The following ADAM32 variants were observed in gnomAD, a reference collection of about 807,000 sequenced individuals.
ADAM32 encodes the protein ADAM metallopeptidase domain 32, also known as disintegrin and metalloproteinase domain-containing protein 32.
In ADAM32, 89 loss-of-function variants were observed where a neutral mutation model predicts 114.9. That is an observed-to-expected ratio of 0.77 (90% CI 0.65 to 0.92). The LOEUF (loss-of-function observed/expected upper bound fraction) is 0.92. Among genes scored for constraint, ADAM32 ranks in the 40% least tolerant of loss-of-function variants. The pLI, the probability that ADAM32 is intolerant of heterozygous loss-of-function variation, is 0.00. For missense variants in ADAM32, 870 were observed against 932.8 expected, an observed-to-expected ratio of 0.93 and a Z score of 0.88; for synonymous variants, 285 against 307.5, an observed-to-expected ratio of 0.93 and a Z score of 0.77.
intron 13 of ADAM32, among the ~76,000 whole-genome samples, chr8:39,222,150 TTTAAACTTTGAAC>T (rs1170866692): frequency 2.6e-5 from 4 of 152,042 alleles, no homozygotes; most frequent in African/African-American, 9.6e-5. Context: ...TAGCATAACA[TTTAAACTTTGAAC>T]TTATTATTCA....
At chr8:39,283,046 A>T (rs1813529025) in intron 23 of ADAM32, among the ~76,000 whole-genome samples, 2 of 152,168 alleles carry the variant, frequency 1.3e-5, no homozygotes, top group Admixed American at 6.5e-5. Context: ...TCTTCAGTTC[A>T]TTCTTTTTCT....
intron 22 of ADAM32, among the ~76,000 whole-genome samples, chr8:39,277,092 A>T (rs557823041): frequency 2.0e-5 from 3 of 152,220 alleles, no homozygotes; most frequent in Non-Finnish European, 4.4e-5. Flanking sequence ...ATGCACACAC[A>T]TTCATATATC....
chr8:39,132,747 G>A, intron 2 of ADAM32, among the ~76,000 whole-genome samples: 1 of 137,070 alleles, frequency 7.3e-6, no homozygotes, highest in Non-Finnish European at 1.7e-5. Context: ...ATTGTTAGTT[G>A]ACAGATTTTT....
chr8:39,194,107 G>C (rs1806791100), intron 11 of ADAM32, among the ~76,000 whole-genome samples: 5 of 152,156 alleles, frequency 3.3e-5, no homozygotes, highest in Admixed American at 1.3e-4. Context: ...CATAGCTCAG[G>C]GTGGGGTGGG....
chr8:39,252,301 T>G (rs912934469), intron 17 of ADAM32, among the ~76,000 whole-genome samples: 1 of 146,284 alleles, frequency 6.8e-6, no homozygotes, highest in East Asian at 2.0e-4. Flanking sequence ...TAAAAGAAAG[T>G]GGGAAAACTT....
intron 1 of ADAM32, among the ~76,000 whole-genome samples, chr8:39,115,930 G>A (rs941806052): frequency 6.6e-6 from 1 of 152,186 alleles, no homozygotes; most frequent in Non-Finnish European, 1.5e-5. Flanking sequence ...TATGGCAAAA[G>A]GTTCAGTTGC....
intron 19 of ADAM32, among the ~76,000 whole-genome samples, chr8:39,265,578 T>G (rs1812299896): frequency 6.6e-6 from 1 of 152,258 alleles, no homozygotes; most frequent in Non-Finnish European, 1.5e-5. Flanking sequence ...ATATATTTGC[T>G]TTATAGTGTC....
At chr8:39,220,692 T>C (rs899784481) in intron 12 of ADAM32, among the ~76,000 whole-genome samples, 2 of 152,096 alleles carry the variant, frequency 1.3e-5, no homozygotes, top group Non-Finnish European at 2.9e-5. Flanking sequence ...CAGGAGCATG[T>C]TGTTTAATTT....
intron 19 of ADAM32, among the ~76,000 whole-genome samples, chr8:39,266,157 G>T (rs1457759401): frequency 6.6e-6 from 1 of 152,092 alleles, no homozygotes. Context: ...TGGTCATCTT[G>T]TATGGTATCT....
chr8:39,115,097 T>C (rs1840322060), intron 1 of ADAM32, among the ~76,000 whole-genome samples: 2 of 152,258 alleles, frequency 1.3e-5, no homozygotes, highest in African/African-American at 2.4e-5. Context: ...ATACACAACA[T>C]TTTCTTTATC....
chr8:39,264,396 G>A (rs567164201), intron 19 of ADAM32, among the ~76,000 whole-genome samples: 2 of 152,250 alleles, frequency 1.3e-5, no homozygotes, highest in East Asian at 3.9e-4. Flanking sequence ...TGTGGGGTCA[G>A]AGGTAATGTC....
In ADAM32 at chr8:39,107,782, C is replaced by T; in HGVS notation, c.7C>T (p.Arg3Cys). 3.2e-6 allele frequency: 5 copies of T among 1,550,594 alleles called. No individual in the cohort carries two copies. Among genetic ancestry groups the T allele is most frequent in the South Asian group, 1.2e-5 (1 of 84,034 alleles). ...GCAGCCCCGAAGCCGCACCATGTTC[C>T]GCCTCTGGTTGCTGCTGGCCGGGCT... is the stretch of plus-strand genomic sequence containing the variant. MF[R>C]LWLLLAGLCG... The change falls in exon 1 of 25, where the codon CGC becomes TGC. Residue 3 changes from arginine (R) to cysteine (C), a missense_variant. Physicochemically the swap from Arg to Cys is radical, Grantham distance 180. Transcript: ENST00000379907.
chr8:39,117,339 T>G lies in ADAM32; in HGVS notation c.59-747T>G, dbSNP rs191339611. On this transcript the variant is annotated intron_variant, in intron 1 of 24. Coordinates refer to ENST00000379907, the MANE Select transcript of ADAM32 (RefSeq NM_145004.7). ...TTCCCACAGTTGTTTTAGCCTTTAG[T>G]CTATATTTAAGATTTTTTTTTCTCA... Among the ~76,000 whole-genome samples, 3 of 151,730 alleles carry G rather than the reference T, an allele frequency of 2.0e-5. No individual in the cohort carries two copies. In the East Asian group the frequency reaches 5.8e-4, roughly 29 times the overall value.
chr8:39,151,437 A>G lies in ADAM32; in HGVS notation c.414A>G (p.Glu138=). 6.2e-7 allele frequency: 1 copy of G among 1,605,894 alleles called. No individual in the cohort carries two copies. Among genetic ancestry groups the G allele is most frequent in the Non-Finnish European group, 8.5e-7 (1 of 1,177,504 alleles). The part of the protein sequence containing the change: ...YGIEPLESAV[E]FQHVLYKLKN... ...TTGAGCCTCTGGAATCTGCAGTTGA[A>G]TTTCAGCATGTTCTTTACAAATTAA... Residue 138 remains glutamate, a synonymous_variant, in exon 6 of 25, where the codon GAA becomes GAG. Coordinates refer to ENST00000379907, the MANE Select transcript of ADAM32 (RefSeq NM_145004.7).
intron 20 of ADAM32, among the ~76,000 whole-genome samples, chr8:39,272,101 G>GAAAAAAAA (rs11366445): frequency 1.1e-3 from 73 of 65,768 alleles, no homozygotes; most frequent in African/African-American, 1.4e-3. Context: ...GTGAGCTCCA[G>GAAAAAAAA]AAAAAAAAAA....
At chr8:39,172,951 T>A (rs1045520269) in intron 10 of ADAM32, among the ~76,000 whole-genome samples, 1 of 152,122 alleles carries the variant, frequency 6.6e-6, no homozygotes, top group Admixed American at 6.5e-5. Flanking sequence ...TAATTTACAT[T>A]CCCACCAACA....
At chr8:39,149,364 C>A (rs6474112) in intron 4 of ADAM32, among the ~76,000 whole-genome samples, 72,466 of 151,882 alleles carry the variant, frequency 0.48, 18,181 homozygotes, top group African/African-American at 0.64. Context: ...GCAAATTCAG[C>A]ATCATCCTTT....
rs959207242 is a variant in ADAM32 at position 39,130,713 on chromosome 8, C to G, written c.139-5944C>G. On this transcript the variant is annotated intron_variant, in intron 2 of 24. Coordinates refer to ENST00000379907, the MANE Select transcript of ADAM32 (RefSeq NM_145004.7). ...TTTTTGAGGATTTCCTAGGTTTTGTCTCTTGTTGATTCTAATTTAATTCAA... is the reference window on the plus strand; with the variant it reads ...TTTTTGAGGATTTCCTAGGTTTTGTGTCTTGTTGATTCTAATTTAATTCAA... 4.6e-5 allele frequency: 13 copies of G among 282,024 alleles called. 1 individual carries two copies. The highest frequency in any genetic ancestry group is 3.7e-4 in the South Asian group (12 of 32,472). The allele number at this position is 282,024 out of a possible 1,614,324, so 17.5% of individuals were successfully genotyped here. A position where few individuals can be genotyped will look rare whatever the true frequency, so the allele number is the denominator to read the frequency against.
chr8:39,183,056 G>A (rs1585479634), intron 10 of ADAM32, among the ~76,000 whole-genome samples: 1 of 152,286 alleles, frequency 6.6e-6, no homozygotes, highest in East Asian at 1.9e-4. Flanking sequence ...ATACTGGCTG[G>A]GTTCTGTGAT....
Sources: gnomAD v4.1 joint callset for allele counts (sites outside exome capture counted in the v4.1 genomes callset) on GRCh38, gnomAD v4.1.1 for gene constraint, MANE v1.5 for transcripts, NCBI Gene and HGNC (gene_info 2026-07-23, HGNC 2026-07-21) for gene names.